DNMT1: variants seen among roughly 807,000 people sequenced by gnomAD.
The protein encoded by DNMT1 is DNA methyltransferase 1.
Under a neutral mutation model 205.3 loss-of-function variants are expected in DNMT1, and 24 were observed. The ratio of observed to expected loss-of-function variants is 0.12; its 90% CI spans 0.08 to 0.16. The LOEUF is 0.16. DNMT1 is among the 10% of genes least tolerant of loss of function. The probability of loss-of-function intolerance (pLI) is 1.00; values close to 1 mark genes in which losing one functional copy is unlikely to be tolerated. For missense variants in DNMT1, 1,293 were observed against 2,177.7 expected, an observed-to-expected ratio of 0.59 and a Z score of 8.09; for synonymous variants, 817 against 839.8, an observed-to-expected ratio of 0.97 and a Z score of 0.47.
intron 5 of DNMT1, chr19:10,179,971 T>C (rs1283745382): frequency 7.1e-5 from 16 of 224,134 alleles, no homozygotes; most frequent in Non-Finnish European, 1.1e-4. Context: ...TCCTGGGCGA[T>C]AGAGCAAGAC....
At chr19:10,150,860 AGGTG>A (rs2038326949) in intron 24 of DNMT1, among the ~76,000 whole-genome samples, 1 of 152,110 alleles carries the variant, frequency 6.6e-6, no homozygotes, top group Admixed American at 6.6e-5. Context: ...TGGGAGGCTG[AGGTG>A]GGTGGATCAC....
At chr19:10,141,061 G>A in intron 31 of DNMT1, 44 bp downstream of exon 31, 1 of 1,613,416 alleles carries the variant, frequency 6.2e-7, no homozygotes, top group Non-Finnish European at 8.5e-7. Flanking sequence ...CAGCCTCCAA[G>A]TTACAGAAGA....
intron 29 of DNMT1, 137 bp from the exon 30 acceptor site, chr19:10,142,357 C>A: frequency 8.2e-7 from 1 of 1,217,386 alleles, no homozygotes; most frequent in Non-Finnish European, 1.2e-6. Context: ...GGGTAAAGAC[C>A]CCCTCAGTTA....
Position 10,162,729 on chromosome 19 carries a change from C to T in DNMT1, c.946G>A (p.Glu316Lys), listed in dbSNP as rs200601847. The T allele has an allele frequency of 2.8e-5, 45 of 1,613,390 alleles. No homozygotes were observed. The highest frequency in any genetic ancestry group is 6.7e-5 in the East Asian group (3 of 44,870). ...TTTACTTTTTCAGGTTCTTTTTCTT[C>T]GGGCCTCCGTTTGGCAGCTCTGCAG... Reference protein sequence around the residue: ...PKDLAAKRRPEEKEPEKVNPQ... With the variant: ...PKDLAAKRRPKEKEPEKVNPQ... The change falls in exon 13 of 41, where the codon GAA (glutamate) becomes AAA (lysine). Residue 316 changes from glutamate (E) to lysine (K), a missense_variant. Glu to Lys is a moderately conservative substitution (Grantham distance 56). Transcript: ENST00000359526.
rs376894659 is a variant in DNMT1, at chr19:10,180,467, C to T, written c.328G>A (p.Gly110Arg). 57 of 1,614,158 alleles carry T rather than the reference C, an allele frequency of 3.5e-5. No individual in the cohort carries two copies. The highest frequency in any genetic ancestry group is 4.4e-5 in the Non-Finnish European group (52 of 1,180,036). Residue 110 changes from glycine to arginine, a missense_variant, in exon 4 of 41, where the codon GGG becomes AGG. Around this residue, in one of 13 missense-constraint regions of DNMT1, gnomAD observed 394 missense variants for 451.6 expected, o/e 0.87. Transcript: ENST00000359526. ...CGGGCTTCACTTCTTGCTTGGTTCC[C>T]GTTTTCTAGACGTCCATTCACTTCC... is the stretch of plus-strand genomic sequence containing the variant. ...NREVNGRLENGNQARSEARRV... is the reference protein window; with the variant it reads ...NREVNGRLENRNQARSEARRV...
At position 10,175,576 on chromosome 19, in the gene DNMT1, T is replaced by C. The variant is rs2038924550; in HGVS notation, c.612A>G (p.Lys204=). Residue 204 remains lysine (K), a synonymous_variant, in exon 7 of 41, where the codon AAA becomes AAG. Coordinates refer to ENST00000359526, the MANE Select transcript of DNMT1 (RefSeq NM_001130823.3). ...CTTCTTCCTTGATGGACTCATCCGA[T>C]TTGGCTCTTTCAGACTCTTCCTGAG... The part of the protein sequence containing the change: ...RKPQEESERA[K]SDESIKEEDK... 1 of 1,613,860 alleles carries C rather than the reference T, an allele frequency of 6.2e-7. No homozygotes were observed. The highest frequency in any genetic ancestry group is 8.5e-7 in the Non-Finnish European group (1 of 1,179,932).
At chr19:10,166,208 G>A (rs886180425) in intron 11 of DNMT1, among the ~76,000 whole-genome samples, 1 of 152,148 alleles carries the variant, frequency 6.6e-6, no homozygotes. Context: ...GGCAGGGGGA[G>A]AGCTAGACTC....
chr19:10,140,833 G>A lies in DNMT1; in HGVS notation c.3471C>T (p.Thr1157=). 1 of 1,614,180 alleles carries A rather than the reference G, an allele frequency of 6.2e-7. No individual in the cohort carries two copies. The highest frequency in any genetic ancestry group is 8.5e-7 in the Non-Finnish European group (1 of 1,180,030). ...EIEIKLPKLR[T]LDVFSGCGGL... ...CCCCGCAGCCAGAAAACACATCCAG[G>A]GTCCGCAGCTTGGGCAGCTTGATCT... The change falls in exon 32 of 41, where the codon ACC becomes ACT. Residue 1157 remains threonine (T), a synonymous_variant. Coordinates refer to ENST00000359526, the MANE Select transcript of DNMT1 (RefSeq NM_001130823.3). This position sits in a 1 kb window ranked among gnomAD's most constrained non-coding sequence, Gnocchi z 8.4.
Position 10,156,539 on chromosome 19 carries a change from A to C in DNMT1, c.1281-30T>G. The C allele has an allele frequency of 2.5e-6, 4 of 1,570,712 alleles. No individual in the cohort carries two copies. Among genetic ancestry groups the C allele is most frequent in the Non-Finnish European group, 3.5e-6 (4 of 1,141,374 alleles). On this transcript the variant is annotated intron_variant, in intron 17 of 40. Transcript: ENST00000359526. The surrounding 1 kb of genome is among the most constrained non-coding windows in gnomAD (Gnocchi z 4.2). ...ACAGGAAACAAAGCACATGCTTACCAGCTAAGCCGTGAAGGCGGGTCTTCG... is the reference window on the plus strand; with the variant it reads ...ACAGGAAACAAAGCACATGCTTACCCGCTAAGCCGTGAAGGCGGGTCTTCG...
chr19:10,147,423 C>T (rs1180483705), intron 27 of DNMT1, among the ~76,000 whole-genome samples: 2 of 152,020 alleles, frequency 1.3e-5, no homozygotes, highest in African/African-American at 4.8e-5. Flanking sequence ...CCAGCCTGGC[C>T]AACACGGTGA....
In DNMT1 at chr19:10,133,414, C is replaced by T. The variant is rs768761819; in HGVS notation, c.*253G>A. On this transcript the variant is annotated 3_prime_UTR_variant, in exon 41 of 41. Coordinates refer to ENST00000359526, the MANE Select transcript of DNMT1 (RefSeq NM_001130823.3). The surrounding 1 kb of genome is among the most constrained non-coding windows in gnomAD (Gnocchi z 4.1). ...AAAAACTACATAAAGTCTTAATTTC[C>T]ACTCATACAGTGGTAGATTTGATAT... 5.1e-4 allele frequency: 281 copies of T among 550,072 alleles called. 2 individuals are homozygous for T. The highest frequency in any genetic ancestry group is 1.3e-4 in the Admixed American group (4 of 31,440). 34.1% of individuals were successfully genotyped at this position (550,072 alleles called of 1,614,324 possible). A position where few individuals can be genotyped will look rare whatever the true frequency, so the allele number is the denominator to read the frequency against.
At position 10,141,161 on chromosome 19, in the gene DNMT1, T is replaced by C; in HGVS notation, c.3338A>G (p.Glu1113Gly). 6.2e-7 allele frequency: 1 copy of C among 1,614,040 alleles called. No homozygotes were observed. The highest frequency in any genetic ancestry group is 8.5e-7 in the Non-Finnish European group (1 of 1,180,038). ...EAYNAKSKSF[E>G]DPPNHARSPG... The stretch of plus-strand genomic sequence containing the variant: ...GCTACGGGCATGGTTGGGAGGATCT[T>C]CAAAGCTTTTGCTCTTTGCATTATA... Residue 1113 changes from glutamate (E) to glycine (G), a missense_variant, in exon 31 of 41, where the codon GAA becomes GGA. By Grantham distance (98) the Glu-to-Gly change is moderately conservative (BLOSUM62 -2). This residue lies in a region of DNMT1 where 167 missense variants were observed against 258.1 expected (regional missense o/e 0.65). Transcript: ENST00000359526.
intron 28 of DNMT1, chr19:10,144,245 TA>T: frequency 2.2e-6 from 1 of 446,596 alleles, no homozygotes; most frequent in Non-Finnish European, 4.2e-6. Flanking sequence ...CTGTCTCTAC[TA>T]AAAATACAAA....
rs1039977072 is a variant in DNMT1 at position 10,138,107 on chromosome 19, C to T, written c.4116-98G>A. On this transcript the variant is annotated intron_variant, in intron 35 of 40. Transcript: ENST00000359526. The surrounding 1 kb of genome is among the most constrained non-coding windows in gnomAD (Gnocchi z 4.1). ...CCTGCCTGCTCAGATGGCCTTCTCC[C>T]GAGATCACAGCACTGCCCGAGGTCA... is the stretch of plus-strand genomic sequence containing the variant. 2.0e-5 allele frequency: 29 copies of T among 1,416,870 alleles called. No individual in the cohort carries two copies. The African/African-American group carries it at 2.5e-4, about 12-fold the overall frequency. 87.8% of individuals were successfully genotyped at this position (1,416,870 alleles called of 1,614,324 possible). A position where few individuals can be genotyped will look rare whatever the true frequency, so the allele number is the denominator to read the frequency against.
In DNMT1 at chr19:10,180,546, T is replaced by C. The variant is rs1177969202; in HGVS notation, c.249A>G (p.Lys83=). 6.2e-7 allele frequency: 1 copy of C among 1,614,136 alleles called. No homozygotes were observed. Residue 83 remains lysine, a synonymous_variant, in exon 4 of 41, where the codon AAA becomes AAG. Coordinates refer to ENST00000359526, the MANE Select transcript of DNMT1 (RefSeq NM_001130823.3). The part of the protein sequence containing the change: ...LSEEGYLAKV[K]SLLNKDLSLE... Reference sequence around the variant, plus strand: ...AGGACAAATCTTTATTTAAAAGGGATTTGACTTTAGCCAGGTAGCCCTCCT... The same window carrying C: ...AGGACAAATCTTTATTTAAAAGGGACTTGACTTTAGCCAGGTAGCCCTCCT...
chr19:10,142,468 G>A (rs1182852670), intron 29 of DNMT1, among the ~76,000 whole-genome samples: 2 of 149,860 alleles, frequency 1.3e-5, no homozygotes, highest in Non-Finnish European at 3.0e-5. Context: ...CCCCTAGTTA[G>A]GGAACCACAG....
chr19:10,138,109 A>G lies in DNMT1; in HGVS notation c.4116-100T>C. On this transcript the variant is annotated intron_variant, in intron 35 of 40. Coordinates refer to ENST00000359526, the MANE Select transcript of DNMT1 (RefSeq NM_001130823.3). The surrounding 1 kb of genome is among the most constrained non-coding windows in gnomAD (Gnocchi z 4.1). Reference sequence around the variant, plus strand: ...TGCCTGCTCAGATGGCCTTCTCCCGAGATCACAGCACTGCCCGAGGTCACA... The same window carrying G: ...TGCCTGCTCAGATGGCCTTCTCCCGGGATCACAGCACTGCCCGAGGTCACA... 1 of 1,400,632 alleles carries G rather than the reference A, an allele frequency of 7.1e-7. No individual in the cohort carries two copies. The highest frequency in any genetic ancestry group is 9.8e-7 in the Non-Finnish European group (1 of 1,020,464). 86.8% of individuals were successfully genotyped at this position (1,400,632 alleles called of 1,614,324 possible).
intron 9 of DNMT1, among the ~76,000 whole-genome samples, chr19:10,169,775 T>TA (rs888404106): frequency 1.1e-4 from 16 of 151,186 alleles, no homozygotes; most frequent in African/African-American, 2.7e-4. Flanking sequence ...CAAATAAAAA[T>TA]AAAAAAAACG....
Position 10,138,679 on chromosome 19 carries a change from G to C in DNMT1, c.3949-74C>G. 3 of 1,542,416 alleles carry C rather than the reference G, an allele frequency of 1.9e-6. No individual in the cohort carries two copies. In the African/African-American group the frequency reaches 4.1e-5, roughly 21 times the overall value. ...ACTGGACTGGCCAGACCCAGGCCCA[G>C]GGTCAGCAGCCTGAGTCGGGAGTGG... On this transcript the variant is annotated intron_variant, in intron 34 of 40. Coordinates refer to ENST00000359526, the MANE Select transcript of DNMT1 (RefSeq NM_001130823.3). This position sits in a 1 kb window ranked among gnomAD's most constrained non-coding sequence, Gnocchi z 4.1.
Sources: allele counts gnomAD v4.1 joint callset (sites outside exome capture counted in the v4.1 genomes callset), GRCh38; gene constraint gnomAD v4.1.1; regional missense constraint gnomAD v4.1.1; non-coding constraint Gnocchi (gnomAD v3.1); transcripts MANE v1.5; gene names NCBI Gene and HGNC (gene_info 2026-07-23, HGNC 2026-07-21).